The following ADAMTSL1 variants were observed in gnomAD, a reference collection of about 807,000 sequenced individuals.
ADAMTSL1 encodes ADAMTS like 1, also known as ADAMTS-like protein 1.
ADAMTSL1 carries 126 observed loss-of-function variants against 201.8 expected under a neutral mutation model. The ratio of observed to expected loss-of-function variants is 0.62; its 90% CI spans 0.54 to 0.72. The LOEUF is 0.72. Among genes scored for constraint, ADAMTSL1 ranks in the 30% least tolerant of loss-of-function variants. The probability of loss-of-function intolerance (pLI) is 0.00; values close to 1 mark genes in which losing one functional copy is unlikely to be tolerated. For synonymous variants in ADAMTSL1, 1,121 were observed against 903.4 expected, an observed-to-expected ratio of 1.24 and a Z score of -4.32; for missense variants, 2,679 against 2,277.8, an observed-to-expected ratio of 1.18 and a Z score of -3.59.
At chr9:18,172,501 A>C (rs1827945036) in intron 2 of ADAMTSL1, among the ~76,000 whole-genome samples, 1 of 152,250 alleles carries the variant, frequency 6.6e-6, no homozygotes, top group South Asian at 2.1e-4. Context: ...TGAGAAAGTA[A>C]GGTTATGAGA....
intron 2 of ADAMTSL1, among the ~76,000 whole-genome samples, chr9:18,186,317 A>T (rs576193895): frequency 1.3e-5 from 2 of 152,178 alleles, no homozygotes; most frequent in African/African-American, 4.8e-5. Context: ...AACTTGAAGC[A>T]TGTTTCTATA....
intron 14 of ADAMTSL1, among the ~76,000 whole-genome samples, chr9:18,717,295 A>G (rs923901509): frequency 6.6e-6 from 1 of 150,754 alleles, no homozygotes; most frequent in East Asian, 1.9e-4. Context: ...AAAATAAAAA[A>G]TAAAGAAATT....
intron 2 of ADAMTSL1, among the ~76,000 whole-genome samples, chr9:18,192,682 C>G (rs1380854642): frequency 6.6e-6 from 1 of 152,060 alleles, no homozygotes; most frequent in Non-Finnish European, 1.5e-5. Context: ...TTCAGTACTA[C>G]ACTTTTACTA....
At chr9:18,391,575 C>G (rs1267184266) in intron 2 of ADAMTSL1, among the ~76,000 whole-genome samples, 1 of 152,038 alleles carries the variant, frequency 6.6e-6, no homozygotes, top group Non-Finnish European at 1.5e-5. Flanking sequence ...ATATCAGTAA[C>G]TGAAATATGG....
intron 13 of ADAMTSL1, among the ~76,000 whole-genome samples, chr9:18,688,162 C>T (rs140491406): frequency 0.056 from 8,355 of 150,472 alleles, 357 homozygotes; most frequent in African/African-American, 0.12. Context: ...TCACTCTTGT[C>T]GCCCAGGCTG....
intron 4 of ADAMTSL1, among the ~76,000 whole-genome samples, chr9:18,606,474 G>A (rs1036955274): frequency 3.3e-5 from 5 of 152,254 alleles, no homozygotes; most frequent in Non-Finnish European, 5.9e-5. Flanking sequence ...TAAACAGAGC[G>A]CTCGCATGAG....
intron 2 of ADAMTSL1, among the ~76,000 whole-genome samples, chr9:18,178,730 A>G (rs1828300845): frequency 6.6e-6 from 1 of 152,016 alleles, no homozygotes; most frequent in African/African-American, 2.4e-5. Context: ...CTGACCCCCG[A>G]GCAGCCTAAC....
intron 13 of ADAMTSL1, among the ~76,000 whole-genome samples, chr9:18,685,132 C>G (rs1477210041): frequency 6.6e-6 from 1 of 152,150 alleles, no homozygotes; most frequent in African/African-American, 2.4e-5. Context: ...AGATTTGATG[C>G]CAAAGTCTGA....
intron 2 of ADAMTSL1, among the ~76,000 whole-genome samples, chr9:18,375,477 C>G (rs1837247612): frequency 6.6e-6 from 1 of 152,018 alleles, no homozygotes; most frequent in South Asian, 2.1e-4. Flanking sequence ...CTGATTTGTG[C>G]TGACAAATAC....
rs891833442 is a variant in ADAMTSL1, at chr9:18,574,138, G to A, written c.346G>A (p.Asp116Asn). The part of the protein sequence containing the change: ...YEWLPVSNDP[D>N]NPCSLKCQAK... The stretch of plus-strand genomic sequence containing the variant: ...ATGGCTTCCTGTGTCTAATGACCCT[G>A]ACAACCCATGTTCACTCAAGTGCCA... The change falls in exon 4 of 29, where the codon GAC becomes AAC. Residue 116 changes from aspartate to asparagine, a missense_variant. Transcript: ENST00000380548. 3.1e-6 allele frequency: 5 copies of A among 1,613,990 alleles called. No homozygotes were observed. The highest frequency in any genetic ancestry group is 4.2e-6 in the Non-Finnish European group (5 of 1,180,018).
intron 19 of ADAMTSL1, among the ~76,000 whole-genome samples, chr9:18,787,697 A>C (rs1388452044): frequency 6.6e-6 from 1 of 152,208 alleles, no homozygotes; most frequent in Non-Finnish European, 1.5e-5. Context: ...TAAACTGACT[A>C]TACTCAACTC....
At chr9:18,343,782 G>T (rs376465765) in intron 2 of ADAMTSL1, among the ~76,000 whole-genome samples, 1 of 152,096 alleles carries the variant, frequency 6.6e-6, no homozygotes, top group South Asian at 2.1e-4. Flanking sequence ...ATCTGGCTTA[G>T]GGTCCCTGGG....
chr9:18,160,688 TTAA>T (rs1827347152), intron 1 of ADAMTSL1, among the ~76,000 whole-genome samples: 2 of 151,482 alleles, frequency 1.3e-5, no homozygotes, highest in African/African-American at 2.4e-5. Context: ...AATTAATTAA[TTAA>T]TTTTTTTGAG....
chr9:18,184,424 AT>A (rs35136360), intron 2 of ADAMTSL1, among the ~76,000 whole-genome samples: 15 of 151,990 alleles, frequency 9.9e-5, no homozygotes, highest in East Asian at 5.8e-4. Flanking sequence ...TTTTACAAGA[AT>A]TTTTTTTTAA....
rs1237952347 is a variant in ADAMTSL1 at position 18,909,348 on chromosome 9, C to A, written c.*800C>A. The A allele has an allele frequency of 2.0e-5, 3 of 152,304 alleles. No homozygotes were observed. The highest frequency in any genetic ancestry group is 7.2e-5 in the African/African-American group (3 of 41,460). The allele number at this position is 152,304 out of a possible 1,614,324, so 9.4% of individuals were successfully genotyped here. A position where few individuals can be genotyped will look rare whatever the true frequency, so the allele number is the denominator to read the frequency against. On this transcript the variant is annotated 3_prime_UTR_variant, in exon 29 of 29. Coordinates refer to ENST00000380548, the MANE Select transcript of ADAMTSL1 (RefSeq NM_001040272.6). Reference sequence around the variant, plus strand: ...CGCATGCTCAGAGCCCTGCTGCCCACAACAGAGCACTGCGCTGCGTGGGAG... The same window carrying A: ...CGCATGCTCAGAGCCCTGCTGCCCAAAACAGAGCACTGCGCTGCGTGGGAG...
chr9:18,337,456 C>T (rs1835289876), intron 2 of ADAMTSL1, among the ~76,000 whole-genome samples: 1 of 152,130 alleles, frequency 6.6e-6, no homozygotes, highest in Non-Finnish European at 1.5e-5. Flanking sequence ...TACATCTATC[C>T]TATTAGTCCT....
intron 2 of ADAMTSL1, among the ~76,000 whole-genome samples, chr9:18,309,215 C>G (rs1395535653): frequency 3.9e-5 from 6 of 152,130 alleles, no homozygotes; most frequent in Non-Finnish European, 8.8e-5. Flanking sequence ...TTTTGACAAA[C>G]CCACAGCCAA....
At chr9:18,663,679 C>A (rs965162541) in intron 9 of ADAMTSL1, among the ~76,000 whole-genome samples, 1 of 151,844 alleles carries the variant, frequency 6.6e-6, no homozygotes, top group Non-Finnish European at 1.5e-5. Context: ...GGAGAAATGA[C>A]AATTTCACTT....
intron 1 of ADAMTSL1, among the ~76,000 whole-genome samples, chr9:18,046,705 A>G (rs1821674978): frequency 1.3e-5 from 2 of 152,210 alleles, no homozygotes; most frequent in African/African-American, 4.8e-5. Flanking sequence ...TCTACCATTT[A>G]TTGAATTCTA....
Sources: gnomAD v4.1 joint callset for allele counts (sites outside exome capture counted in the v4.1 genomes callset) on GRCh38, gnomAD v4.1.1 for gene constraint, MANE v1.5 for transcripts, NCBI Gene and HGNC (gene_info 2026-07-23, HGNC 2026-07-21) for gene names.